Variants in MEGF9 observed in about 807,000 individuals in gnomAD.
The protein encoded by MEGF9 is multiple EGF like domains 9.
A neutral mutation model predicts 46.8 loss-of-function variants in MEGF9; 6 were observed. The observed-to-expected ratio is 0.13, with a 90% confidence interval of 0.07 to 0.25. The LOEUF is 0.25. Ranked by LOEUF, MEGF9 falls within the 10% of genes least tolerant of loss-of-function variation. The pLI, the probability that MEGF9 is intolerant of heterozygous loss-of-function variation, is 1.00. For missense variants in MEGF9, 683 were observed against 792.4 expected (o/e 0.86, Z 1.66); for synonymous variants, 302 against 330.7 (o/e 0.91, Z 0.94).
intron 1 of MEGF9, among the ~76,000 whole-genome samples, chr9:120,699,616 A>G (rs902432951): frequency 1.3e-5 from 2 of 151,296 alleles, no homozygotes; most frequent in Non-Finnish European, 2.9e-5. Flanking sequence ...CCAACTACTC[A>G]GGAGGCTGAT....
chr9:120,670,357 A>G (rs893536373), intron 1 of MEGF9, among the ~76,000 whole-genome samples: 1 of 152,130 alleles, frequency 6.6e-6, no homozygotes, highest in South Asian at 2.1e-4. Flanking sequence ...TCAGCCTCCT[A>G]AAGTGCTGGG....
intron 2 of MEGF9, among the ~76,000 whole-genome samples, chr9:120,628,466 TTG>T (rs1564415448): frequency 1.1e-4 from 13 of 115,620 alleles, no homozygotes; most frequent in African/African-American, 3.2e-4. Context: ...ATTCTTGTCG[TTG>T]TTTTTTTTTT....
At chr9:120,712,884 G>A (rs2043959915) in intron 1 of MEGF9, among the ~76,000 whole-genome samples, 1 of 152,170 alleles carries the variant, frequency 6.6e-6, no homozygotes, top group Non-Finnish European at 1.5e-5. Flanking sequence ...ATTTAAACGG[G>A]GAAAGAATAC....
At chr9:120,673,138 T>C (rs889757834) in intron 1 of MEGF9, among the ~76,000 whole-genome samples, 2 of 152,206 alleles carry the variant, frequency 1.3e-5, no homozygotes, top group Non-Finnish European at 2.9e-5. Flanking sequence ...CCACTTAGAA[T>C]AGCTCCAAAA....
chr9:120,611,595 G>C (rs377228177), intron 4 of MEGF9, among the ~76,000 whole-genome samples: 28 of 152,146 alleles, frequency 1.8e-4, no homozygotes, highest in Admixed American at 5.9e-4. Flanking sequence ...CAGAGGAAAA[G>C]GGAGTAATTG....
intron 2 of MEGF9, among the ~76,000 whole-genome samples, chr9:120,626,353 A>G (rs1470843002): frequency 6.6e-6 from 1 of 152,210 alleles, no homozygotes; most frequent in African/African-American, 2.4e-5. Flanking sequence ...AATTATCCCA[A>G]AAGGGATTCT....
intron 2 of MEGF9, among the ~76,000 whole-genome samples, chr9:120,638,087 A>G (rs971204168): frequency 1.3e-5 from 2 of 151,910 alleles, no homozygotes; most frequent in African/African-American, 4.8e-5. Flanking sequence ...TGACCTACTG[A>G]GCTCAAATAA....
At chr9:120,641,398 C>G (rs1330856594) in intron 2 of MEGF9, among the ~76,000 whole-genome samples, 1 of 152,220 alleles carries the variant, frequency 6.6e-6, no homozygotes, top group Non-Finnish European at 1.5e-5. Flanking sequence ...AATATTCCAT[C>G]ATGACCCTAC....
rs568140064 is a variant in MEGF9 at position 120,614,234 on chromosome 9, G to C, written c.944-1695C>G. 5.3e-5 allele frequency among the ~76,000 whole-genome samples: 8 copies of C among 152,254 alleles called. No homozygotes were observed. In the South Asian group the frequency reaches 1.7e-3, roughly 32 times the overall value. ...GATAGGGTTTCACTACGTTGGCCAGGCCGGTCTCGAACTTCTGACCTCAAG... is the reference window on the plus strand; with the variant it reads ...GATAGGGTTTCACTACGTTGGCCAGCCCGGTCTCGAACTTCTGACCTCAAG... On this transcript the variant is annotated intron_variant, in intron 3 of 5. Transcript: ENST00000373930.
At chr9:120,613,098 A>G (rs771841187) in intron 3 of MEGF9, among the ~76,000 whole-genome samples, 1 of 152,148 alleles carries the variant, frequency 6.6e-6, no homozygotes, top group African/African-American at 2.4e-5. Context: ...TGGCCTCCCA[A>G]AGTTTTGGGA....
chr9:120,642,852 T>C (rs2132314093), intron 2 of MEGF9, among the ~76,000 whole-genome samples: 1 of 152,354 alleles, frequency 6.6e-6, no homozygotes, highest in African/African-American at 2.4e-5. Context: ...CATTACTGCT[T>C]TTGGCAATGT....
chr9:120,610,814 A>C (rs1381858818), intron 4 of MEGF9, among the ~76,000 whole-genome samples: 2 of 152,308 alleles, frequency 1.3e-5, no homozygotes, highest in East Asian at 3.9e-4. Flanking sequence ...ACCATCAAGA[A>C]AGCAAAAAAT....
chr9:120,704,772 C>G (rs1402535480), intron 1 of MEGF9, among the ~76,000 whole-genome samples: 1 of 152,164 alleles, frequency 6.6e-6, no homozygotes, highest in Admixed American at 6.5e-5. Context: ...ATGCACTGCA[C>G]ACTTGTTAAT....
intron 1 of MEGF9, among the ~76,000 whole-genome samples, chr9:120,664,503 T>C (rs2043716271): frequency 6.6e-6 from 1 of 152,196 alleles, no homozygotes; most frequent in Non-Finnish European, 1.5e-5. Flanking sequence ...AACTATGTCC[T>C]CAGTCATGAT....
intron 2 of MEGF9, among the ~76,000 whole-genome samples, chr9:120,633,051 C>CT (rs1430166031): frequency 1.3e-5 from 2 of 152,026 alleles, no homozygotes; most frequent in African/African-American, 2.4e-5. Flanking sequence ...CTGTAGTTTT[C>CT]TTTTTTGTGT....
chr9:120,682,613 G>T (rs981596462), intron 1 of MEGF9, among the ~76,000 whole-genome samples: 1 of 152,052 alleles, frequency 6.6e-6, no homozygotes, highest in Non-Finnish European at 1.5e-5. Flanking sequence ...ATTTGAAACA[G>T]GGTCTTCTCT....
chr9:120,626,036 A>G (rs1302182429), intron 2 of MEGF9, among the ~76,000 whole-genome samples: 3 of 152,136 alleles, frequency 2.0e-5, no homozygotes, highest in African/African-American at 7.2e-5. Flanking sequence ...AAAGGCTGTG[A>G]ACAGACCACT....
intron 4 of MEGF9, among the ~76,000 whole-genome samples, chr9:120,609,030 T>C (rs1457020240): frequency 6.6e-6 from 1 of 152,186 alleles, no homozygotes; most frequent in Non-Finnish European, 1.5e-5. Context: ...TCAAAGTAAA[T>C]AAGAATATGT....
intron 1 of MEGF9, among the ~76,000 whole-genome samples, chr9:120,689,310 A>C (rs1378550948): frequency 6.6e-6 from 1 of 152,190 alleles, no homozygotes; most frequent in Non-Finnish European, 1.5e-5. Flanking sequence ...AAGGCAAAAG[A>C]GAGCATAGTA....
Sources: gnomAD v4.1 joint callset for allele counts (sites outside exome capture counted in the v4.1 genomes callset) on GRCh38, gnomAD v4.1.1 for gene constraint, MANE v1.5 for transcripts, NCBI Gene and HGNC (gene_info 2026-07-23, HGNC 2026-07-21) for gene names.